The following THSD7B variants were observed in gnomAD, a reference collection of about 807,000 sequenced individuals.
THSD7B encodes the protein thrombospondin type 1 domain containing 7B.
A neutral mutation model predicts 213.6 loss-of-function variants in THSD7B; 138 were observed. The observed-to-expected ratio is 0.65, with a 90% CI of 0.56 to 0.74. The LOEUF (loss-of-function observed/expected upper bound fraction) is 0.74, where lower values mean the gene tolerates loss of function less well. Among genes scored for constraint, THSD7B ranks in the 30% least tolerant of loss-of-function variants. The pLI is 0.00. For missense variants in THSD7B, 1,931 were observed against 1,991.5 expected, an observed-to-expected ratio of 0.97 and a Z score of 0.58; for synonymous variants, 742 against 687.0, an observed-to-expected ratio of 1.08 and a Z score of -1.25.
At chr2:137,624,634 A>T (rs1198536843) in intron 20 of THSD7B, among the ~76,000 whole-genome samples, 2 of 150,352 alleles carry the variant, frequency 1.3e-5, no homozygotes, top group African/African-American at 4.9e-5. Flanking sequence ...CAAGAAAAAA[A>T]TCAAACAACC....
At chr2:137,586,430 T>A (rs1290610836) in intron 17 of THSD7B, among the ~76,000 whole-genome samples, 1 of 152,206 alleles carries the variant, frequency 6.6e-6, no homozygotes, top group East Asian at 1.9e-4. Context: ...CTTCCTAGCA[T>A]CGATGGTCTT....
intron 2 of THSD7B, among the ~76,000 whole-genome samples, chr2:136,939,956 G>A (rs1684793085): frequency 6.6e-6 from 1 of 152,102 alleles, no homozygotes; most frequent in African/African-American, 2.4e-5. Flanking sequence ...TGTGTGCAGA[G>A]TGCAGCACTT....
At chr2:137,453,548 C>T (rs764870795) in intron 15 of THSD7B, among the ~76,000 whole-genome samples, 2 of 151,966 alleles carry the variant, frequency 1.3e-5, no homozygotes, top group African/African-American at 2.4e-5. Flanking sequence ...CCATGATGGT[C>T]TCAATCTCCT....
At chr2:137,375,680 C>T (rs554241903) in intron 12 of THSD7B, among the ~76,000 whole-genome samples, 7 of 152,182 alleles carry the variant, frequency 4.6e-5, no homozygotes, top group Non-Finnish European at 8.8e-5. Context: ...GATTCTAGAA[C>T]GGAATTAAGG....
chr2:136,890,952 T>G (rs562898252), intron 2 of THSD7B, among the ~76,000 whole-genome samples: 68 of 152,228 alleles, frequency 4.5e-4, no homozygotes, highest in African/African-American at 1.6e-3. Context: ...GATCTTCAAT[T>G]TTTAGATAAT....
At chr2:136,988,627 T>C (rs1362017261) in intron 2 of THSD7B, among the ~76,000 whole-genome samples, 2 of 152,210 alleles carry the variant, frequency 1.3e-5, no homozygotes, top group Non-Finnish European at 2.9e-5. Context: ...TGAAAATTTA[T>C]GTTTTCCAAA....
intron 15 of THSD7B, among the ~76,000 whole-genome samples, chr2:137,489,937 TCACGTAGAGAAAA>T (rs1688568145): frequency 6.6e-6 from 1 of 152,140 alleles, no homozygotes; most frequent in African/African-American, 2.4e-5. Context: ...GTGTGTGGTG[TCACGTAGAGAAAA>T]CACTTGAGCA....
intron 2 of THSD7B, among the ~76,000 whole-genome samples, chr2:136,980,318 C>A (rs1685552818): frequency 6.6e-6 from 1 of 152,152 alleles, no homozygotes; most frequent in Non-Finnish European, 1.5e-5. Flanking sequence ...GGAATCTTGG[C>A]TAGGACTCCT....
At chr2:137,119,065 T>C (rs1688497056) in intron 5 of THSD7B, among the ~76,000 whole-genome samples, 1 of 152,152 alleles carries the variant, frequency 6.6e-6, no homozygotes, top group South Asian at 2.1e-4. Context: ...GGAGGTATAA[T>C]TCAAGATGAG....
intron 12 of THSD7B, among the ~76,000 whole-genome samples, chr2:137,304,456 AAAT>A (rs145630092): frequency 0.029 from 4,454 of 152,248 alleles, 79 homozygotes; most frequent in East Asian, 0.072. Context: ...CTAGATTTAG[AAAT>A]AATAATAGGG....
intron 2 of THSD7B, among the ~76,000 whole-genome samples, chr2:137,050,217 T>C (rs984396274): frequency 7.9e-5 from 12 of 152,194 alleles, no homozygotes; most frequent in Non-Finnish European, 1.8e-4. Flanking sequence ...GAGTCTTTTT[T>C]TAGGCTTTAG....
chr2:137,090,536 G>A (rs1003587921), intron 3 of THSD7B, among the ~76,000 whole-genome samples: 1 of 152,172 alleles, frequency 6.6e-6, no homozygotes, highest in African/African-American at 2.4e-5. Flanking sequence ...TCCAGGGGAA[G>A]TAAGAATTAC....
intron 15 of THSD7B, among the ~76,000 whole-genome samples, chr2:137,559,825 G>A (rs975682675): frequency 6.6e-5 from 10 of 152,048 alleles, no homozygotes; most frequent in African/African-American, 2.2e-4. Context: ...TCTGACAAAG[G>A]GCTAATATCC....
At chr2:137,465,574 G>A (rs371173727) in intron 15 of THSD7B, among the ~76,000 whole-genome samples, 51 of 152,052 alleles carry the variant, frequency 3.4e-4, no homozygotes, top group African/African-American at 1.0e-3. Flanking sequence ...GACTCAGAGC[G>A]GTGATGTGAC....
chr2:137,661,492 C>T (rs747905191), intron 25 of THSD7B, among the ~76,000 whole-genome samples: 4 of 151,632 alleles, frequency 2.6e-5, no homozygotes, highest in Non-Finnish European at 4.4e-5. Flanking sequence ...CAAGCAGAGA[C>T]GTAGTTTGAC....
chr2:137,367,280 C>G (rs146468866), intron 12 of THSD7B, among the ~76,000 whole-genome samples: 15 of 152,136 alleles, frequency 9.9e-5, no homozygotes, highest in Admixed American at 4.6e-4. Context: ...TTAGCATGGG[C>G]AAGTCACCCT....
chr2:137,467,309 G>A (rs1024487022), intron 15 of THSD7B, among the ~76,000 whole-genome samples: 3 of 152,172 alleles, frequency 2.0e-5, no homozygotes, highest in Admixed American at 6.6e-5. Context: ...GTCACACCTG[G>A]AATACATTTG....
chr2:137,330,907 T>C (rs977248778), intron 12 of THSD7B, among the ~76,000 whole-genome samples: 3 of 152,290 alleles, frequency 2.0e-5, no homozygotes, highest in Middle Eastern at 3.4e-3. Context: ...AGGGCGCTGA[T>C]TGGTGCATTT....
At chr2:137,432,901 T>C (rs1054832933) in intron 14 of THSD7B, among the ~76,000 whole-genome samples, 5 of 152,244 alleles carry the variant, frequency 3.3e-5, no homozygotes, top group African/African-American at 4.8e-5. Flanking sequence ...ATATTATTTA[T>C]ATTAGACTTT....
Sources: allele counts gnomAD v4.1 joint callset (sites outside exome capture counted in the v4.1 genomes callset), GRCh38; gene constraint gnomAD v4.1.1; transcripts MANE v1.5; gene names NCBI Gene and HGNC (gene_info 2026-07-23, HGNC 2026-07-21).